ACSS2: variants seen among roughly 807,000 people sequenced by gnomAD.
The protein encoded by ACSS2 is acetyl-coenzyme A synthetase, cytoplasmic.
ACSS2 carries 58 observed loss-of-function variants against 90.6 expected under a neutral mutation model. The observed-to-expected ratio is 0.64, with a 90% CI of 0.52 to 0.80. The LOEUF (loss-of-function observed/expected upper bound fraction) is 0.80. ACSS2 is among the 30% of genes least tolerant of loss of function. The pLI, the probability that ACSS2 is intolerant of heterozygous loss-of-function variation, is 0.00. For synonymous variants in ACSS2, 300 were observed against 330.9 expected (o/e 0.91, Z 1.01); for missense variants, 759 against 912.0 (o/e 0.83, Z 2.16).
chr20:34,877,006 G>T (rs1009677640), intron 1 of ACSS2, among the ~76,000 whole-genome samples, 183 bp downstream of exon 1: 24 of 152,186 alleles, frequency 1.6e-4, no homozygotes, highest in Non-Finnish European at 5.9e-5. Context: ...GGTTCCATGG[G>T]AGCTGGGGAG....
Position 34,919,152 on chromosome 20 carries a change from T to C in ACSS2, c.835-283T>C, listed in dbSNP as rs149362635. Among the ~76,000 whole-genome samples the C allele has an allele frequency of 1.4e-3, 216 of 152,228 alleles. 1 individual carries two copies. Among genetic ancestry groups the C allele is most frequent in the African/African-American group, 5.0e-3 (207 of 41,540 alleles). On this transcript the variant is annotated intron_variant, in intron 7 of 17. Transcript: ENST00000360596. ...AAGAAGGTGACATTTCAGCTCAGAA[T>C]TGAAGGATGGGAAGGGACCAGCCAA... is the stretch of plus-strand genomic sequence containing the variant.
intron 2 of ACSS2, among the ~76,000 whole-genome samples, chr20:34,893,142 A>G (rs2080375486): frequency 6.6e-6 from 1 of 152,052 alleles, no homozygotes; most frequent in Non-Finnish European, 1.5e-5. Flanking sequence ...ATAATACTTA[A>G]GATTTTCCTT....
At chr20:34,915,337 C>T in intron 7 of ACSS2, 1 of 1,566,192 alleles carries the variant, frequency 6.4e-7, no homozygotes, top group Non-Finnish European at 8.8e-7. Context: ...CTGTTTGCCC[C>T]ATTGAGGTGG....
At position 34,927,511 on chromosome 20, in the gene ACSS2, T is replaced by C. The variant is rs34527271; in HGVS notation, c.*297T>C. ...ACCCAAGTTAAGTGTTCAAAGGGGA[T>C]GTGAGGGCCTCCACTGAAGCAGGGA... is the stretch of plus-strand genomic sequence containing the variant. On this transcript the variant is annotated 3_prime_UTR_variant, in exon 18 of 18. Transcript: ENST00000360596. This position sits in a 1 kb window ranked among gnomAD's most constrained non-coding sequence, Gnocchi z 4.2. The C allele has an allele frequency of 2.9e-5, 12 of 410,128 alleles. No individual in the cohort carries two copies. Among genetic ancestry groups the C allele is most frequent in the Non-Finnish European group, 4.5e-5 (10 of 223,216 alleles). 25.4% of individuals were successfully genotyped at this position (410,128 alleles called of 1,614,324 possible). A position where few individuals can be genotyped will look rare whatever the true frequency, so the allele number is the denominator to read the frequency against.
At chr20:34,884,021 A>G (rs1397959696) in intron 2 of ACSS2, among the ~76,000 whole-genome samples, 4 of 151,782 alleles carry the variant, frequency 2.6e-5, no homozygotes, top group Admixed American at 2.6e-4. Flanking sequence ...GCTTACTGCA[A>G]CCTCTGCCCT....
At chr20:34,899,164 C>A (rs540710978) in intron 2 of ACSS2, among the ~76,000 whole-genome samples, 1 of 152,174 alleles carries the variant, frequency 6.6e-6, no homozygotes, top group Non-Finnish European at 1.5e-5. Context: ...TGCGCAGCCC[C>A]GGTTCCCGCT....
At chr20:34,878,637 T>C (rs965192111) in intron 1 of ACSS2, among the ~76,000 whole-genome samples, 2 of 152,212 alleles carry the variant, frequency 1.3e-5, no homozygotes, top group Non-Finnish European at 2.9e-5. Flanking sequence ...GCAGAATCCA[T>C]ATCCTAATAG....
rs1196725581 is a variant in ACSS2, at chr20:34,876,794, T to A, written c.149T>A (p.Leu50Gln). 1.1e-5 allele frequency: 15 copies of A among 1,333,770 alleles called. No individual in the cohort carries two copies. Among genetic ancestry groups the A allele is most frequent in the Non-Finnish European group, 1.4e-5 (14 of 1,036,552 alleles). The allele number at this position is 1,333,770 out of a possible 1,614,324, so 82.6% of individuals were successfully genotyped here. Residue 50 changes from leucine (L) to glutamine (Q), a missense_variant, in exon 1 of 18, where the codon CTG (leucine) becomes CAG (glutamine). Physicochemically the swap from Leu to Gln is moderately radical, Grantham distance 113 (BLOSUM62 -2). Transcript: ENST00000360596. ...HVPSLQRYRE[L>Q]HRRSVEEPRE... ...CCCTCGCTGCAGCGCTACCGCGAGC[T>A]GCACCGGCGCTCCGTGGAGGAGCCG...
At chr20:34,918,002 C>G (rs2081112281) in intron 7 of ACSS2, among the ~76,000 whole-genome samples, 1 of 152,070 alleles carries the variant, frequency 6.6e-6, no homozygotes. Context: ...GGTGATCTGC[C>G]CACTTTGGCC....
intron 2 of ACSS2, among the ~76,000 whole-genome samples, chr20:34,907,708 G>A (rs1195292490): frequency 2.6e-5 from 4 of 152,326 alleles, no homozygotes; most frequent in Admixed American, 2.0e-4. Flanking sequence ...AACCGGAGAC[G>A]TTCTGAAGTT....
intron 2 of ACSS2, among the ~76,000 whole-genome samples, chr20:34,883,903 A>G (rs1210388061): frequency 2.6e-5 from 4 of 152,180 alleles, no homozygotes; most frequent in Non-Finnish European, 5.9e-5. Flanking sequence ...ACAATCTATG[A>G]GCACTCAGAG....
chr20:34,913,617 T>C (rs994984533), intron 4 of ACSS2, 121 bp downstream of exon 4: 2 of 1,249,140 alleles, frequency 1.6e-6, no homozygotes, highest in Non-Finnish European at 2.3e-6. Flanking sequence ...GTTTGTGTCA[T>C]AGGTCCATAT....
intron 2 of ACSS2, among the ~76,000 whole-genome samples, chr20:34,904,001 GAGA>G (rs1309953306): frequency 1.3e-5 from 2 of 151,972 alleles, no homozygotes; most frequent in Non-Finnish European, 2.9e-5. Flanking sequence ...GGAGGAGACA[GAGA>G]AGAAGACATG....
At chr20:34,896,936 A>C (rs1436424836) in intron 2 of ACSS2, among the ~76,000 whole-genome samples, 7 of 152,176 alleles carry the variant, frequency 4.6e-5, no homozygotes, top group African/African-American at 1.7e-4. Context: ...AGGCTGAGAC[A>C]TAAGAATTGC....
chr20:34,915,558 A>G (rs575110331), intron 7 of ACSS2, among the ~76,000 whole-genome samples: 1 of 152,304 alleles, frequency 6.6e-6, no homozygotes, highest in Non-Finnish European at 1.5e-5. Context: ...TTTACTGTGC[A>G]GGTAGCTGGA....
At chr20:34,883,977 G>A (rs1225690825) in intron 2 of ACSS2, among the ~76,000 whole-genome samples, 3 of 152,116 alleles carry the variant, frequency 2.0e-5, no homozygotes, top group African/African-American at 7.2e-5. Context: ...ATCTTGCTCT[G>A]TTGCCCAGCC....
At position 34,920,145 on chromosome 20, in the gene ACSS2, G is replaced by A. The variant is rs534090086; in HGVS notation, c.973-394G>A. 3.3e-5 allele frequency among the ~76,000 whole-genome samples: 5 copies of A among 152,308 alleles called. No individual in the cohort carries two copies. In the South Asian group the frequency reaches 1.0e-3, roughly 32 times the overall value. ...TGGCCTCTCTTTCATAGAGATGGGG[G>A]TAGGGATGGAATAAGCAAAGGGAAT... On this transcript the variant is annotated intron_variant, in intron 8 of 17. Coordinates refer to ENST00000360596, the MANE Select transcript of ACSS2 (RefSeq NM_018677.4).
intron 1 of ACSS2, among the ~76,000 whole-genome samples, chr20:34,881,698 C>G (rs913202465): frequency 6.6e-6 from 1 of 152,146 alleles, no homozygotes; most frequent in African/African-American, 2.4e-5. Flanking sequence ...GCAAAAATGT[C>G]TCAAGGAAGT....
chr20:34,903,925 A>G (rs562407746), intron 2 of ACSS2, among the ~76,000 whole-genome samples: 1 of 151,158 alleles, frequency 6.6e-6, no homozygotes, highest in East Asian at 1.9e-4. Flanking sequence ...CCCTGTCATT[A>G]GTCAATTACC....
Sources: allele counts gnomAD v4.1 joint callset (sites outside exome capture counted in the v4.1 genomes callset), GRCh38; gene constraint gnomAD v4.1.1; non-coding constraint Gnocchi (gnomAD v3.1); transcripts MANE v1.5; gene names NCBI Gene and HGNC (gene_info 2026-07-23, HGNC 2026-07-21).